The following DCAF5 variants were observed in gnomAD, a reference collection of about 807,000 sequenced individuals.
DCAF5 encodes the protein DDB1 and CUL4 associated factor 5.
A neutral mutation model predicts 80.7 loss-of-function variants in DCAF5; 9 were observed. The observed-to-expected ratio is 0.11, with a 90% confidence interval of 0.07 to 0.19. The LOEUF is 0.19. Ranked by LOEUF, DCAF5 falls within the 10% of genes least tolerant of loss-of-function variation. The pLI is 1.00. For synonymous variants in DCAF5, 433 were observed against 461.9 expected (o/e 0.94, Z 0.80); for missense variants, 842 against 1,205.7 (o/e 0.70, Z 4.47).
chr14:69,150,606 G>A (rs1168568077), intron 1 of DCAF5, among the ~76,000 whole-genome samples: 1 of 152,044 alleles, frequency 6.6e-6, no homozygotes, highest in Non-Finnish European at 1.5e-5. Context: ...TAAAGTGTGA[G>A]CTAGGCATGG....
chr14:69,094,802 C>T (rs917531082), intron 5 of DCAF5, among the ~76,000 whole-genome samples: 1 of 152,108 alleles, frequency 6.6e-6, no homozygotes, highest in African/African-American at 2.4e-5. Flanking sequence ...AATGTAGATT[C>T]TCAGGATTCC....
chr14:69,125,406 T>C (rs555788885), intron 1 of DCAF5, among the ~76,000 whole-genome samples: 73 of 152,352 alleles, frequency 4.8e-4, no homozygotes, highest in South Asian at 1.0e-3. Context: ...GGTAATGGCT[T>C]AATGTCTAGA....
Position 69,118,286 on chromosome 14 carries a change from A to G in DCAF5, c.396-8T>C. On this transcript the variant is annotated splice_region_variant and splice_polypyrimidine_tract_variant and intron_variant, in intron 3 of 8. Transcript: ENST00000341516. This position sits in a 1 kb window ranked among gnomAD's most constrained non-coding sequence, Gnocchi z 4.0. ...ACGTCCAATGTCTCACTGCTGGGAG[A>G]TAAGAGAGCAAGACAGAGGCACACA... The G allele has an allele frequency of 2.5e-6, 4 of 1,613,454 alleles. No homozygotes were observed. The highest frequency in any genetic ancestry group is 3.4e-6 in the Non-Finnish European group (4 of 1,179,636).
At chr14:69,096,118 T>C (rs929573941) in intron 5 of DCAF5, among the ~76,000 whole-genome samples, 5 of 152,144 alleles carry the variant, frequency 3.3e-5, no homozygotes, top group African/African-American at 9.7e-5. Flanking sequence ...AGGTAAAAAG[T>C]CAGCAAGTTC....
At chr14:69,150,232 T>C (rs2140133785) in intron 1 of DCAF5, among the ~76,000 whole-genome samples, 1 of 151,796 alleles carries the variant, frequency 6.6e-6, no homozygotes, top group East Asian at 1.9e-4. Context: ...AGAACTGAGC[T>C]AGAGGGAGTA....
intron 7 of DCAF5, among the ~76,000 whole-genome samples, chr14:69,069,323 C>T (rs1459350884): frequency 6.6e-6 from 1 of 152,166 alleles, no homozygotes; most frequent in Non-Finnish European, 1.5e-5. Flanking sequence ...ATAAGAGAAC[C>T]CTCCTGAACT....
At chr14:69,110,639 G>T (rs1299071337) in intron 5 of DCAF5, among the ~76,000 whole-genome samples, 3 of 151,990 alleles carry the variant, frequency 2.0e-5, no homozygotes, top group African/African-American at 7.2e-5. Flanking sequence ...ACTTCGGTAG[G>T]ATGAGACAGG....
At chr14:69,101,851 T>G (rs2039963710) in intron 5 of DCAF5, among the ~76,000 whole-genome samples, 1 of 152,114 alleles carries the variant, frequency 6.6e-6, no homozygotes, top group Non-Finnish European at 1.5e-5. Context: ...ATCTAAACAT[T>G]TAAAAGCCAC....
intron 6 of DCAF5, among the ~76,000 whole-genome samples, chr14:69,079,896 G>C (rs1039866590): frequency 6.6e-6 from 1 of 152,158 alleles, no homozygotes; most frequent in African/African-American, 2.4e-5. Context: ...AAATTAAACA[G>C]CAGGTTAGCG....
At position 69,072,523 on chromosome 14, in the gene DCAF5, G is replaced by A. The variant is rs1021292291; in HGVS notation, c.946+2822C>T. 1.5e-4 allele frequency among the ~76,000 whole-genome samples: 22 copies of A among 150,484 alleles called. 1 individual carries two copies. Among genetic ancestry groups the A allele is most frequent in the Admixed American group, 1.1e-3 (16 of 14,962 alleles). Reference sequence around the variant, plus strand: ...CTTGGGAGGCTTAGGCAGGAGGATCGCTTTAGCCCAGGAGCTCAAGGCTGT... The same window carrying A: ...CTTGGGAGGCTTAGGCAGGAGGATCACTTTAGCCCAGGAGCTCAAGGCTGT... On this transcript the variant is annotated intron_variant, in intron 7 of 8. Coordinates refer to ENST00000341516, the MANE Select transcript of DCAF5 (RefSeq NM_003861.3).
intron 4 of DCAF5, among the ~76,000 whole-genome samples, chr14:69,117,234 G>C (rs932285067): frequency 3.3e-5 from 5 of 152,164 alleles, no homozygotes; most frequent in African/African-American, 1.2e-4. Flanking sequence ...TCTGCCATCA[G>C]GCAGTTCAGA....
At chr14:69,120,127 A>T (rs2040670282) in intron 2 of DCAF5, among the ~76,000 whole-genome samples, 1 of 152,046 alleles carries the variant, frequency 6.6e-6, no homozygotes, top group South Asian at 2.1e-4. Context: ...TCTGTTGTCC[A>T]GGCTGGAGTG....
At chr14:69,146,018 G>C (rs2041526832) in intron 1 of DCAF5, among the ~76,000 whole-genome samples, 1 of 152,180 alleles carries the variant, frequency 6.6e-6, no homozygotes, top group South Asian at 2.1e-4. Flanking sequence ...AGTTTTACTA[G>C]TCAATAAAGT....
intron 5 of DCAF5, among the ~76,000 whole-genome samples, chr14:69,110,204 G>C (rs2040307543): frequency 6.7e-6 from 1 of 149,096 alleles, no homozygotes; most frequent in Non-Finnish European, 1.5e-5. Context: ...ATAAATTCTG[G>C]ATATTCTTAA....
At chr14:69,074,876 A>G (rs1465778574) in intron 7 of DCAF5, among the ~76,000 whole-genome samples, 3 of 152,124 alleles carry the variant, frequency 2.0e-5, no homozygotes, top group Non-Finnish European at 4.4e-5. Context: ...TCTACTAAAA[A>G]TACAAAAAAT....
chr14:69,088,206 T>C (rs995246294), intron 6 of DCAF5, among the ~76,000 whole-genome samples: 1 of 152,162 alleles, frequency 6.6e-6, no homozygotes. Context: ...CGCAACAAGT[T>C]GTGATCATTT....
intron 7 of DCAF5, among the ~76,000 whole-genome samples, chr14:69,073,793 A>AT (rs1353867304): frequency 1.3e-5 from 2 of 152,218 alleles, no homozygotes; most frequent in East Asian, 3.8e-4. Flanking sequence ...TCCACATTCT[A>AT]TTTTTAAAGT....
chr14:69,106,835 T>A, intron 5 of DCAF5, among the ~76,000 whole-genome samples: 1 of 151,284 alleles, frequency 6.6e-6, no homozygotes, highest in East Asian at 1.9e-4. Flanking sequence ...AAGTCAGGAG[T>A]TCAAGACCAA....
At chr14:69,092,029 T>C in intron 5 of DCAF5, 142 bp from the exon 6 acceptor site, 2 of 671,590 alleles carry the variant, frequency 3.0e-6, no homozygotes, top group Non-Finnish European at 5.0e-6. Flanking sequence ...GCTAGAATAA[T>C]GAGGGTAGCA....
Sources: allele counts gnomAD v4.1 joint callset (sites outside exome capture counted in the v4.1 genomes callset), GRCh38; gene constraint gnomAD v4.1.1; non-coding constraint Gnocchi (gnomAD v3.1); transcripts MANE v1.5; gene names NCBI Gene and HGNC (gene_info 2026-07-23, HGNC 2026-07-21).